Variants in MYPN observed in about 807,000 individuals in gnomAD.
The protein encoded by MYPN is myopalladin.
In MYPN, 63 loss-of-function variants were observed where a neutral mutation model predicts 129.4. That is an observed-to-expected ratio of 0.49 (90% CI 0.40 to 0.60). The LOEUF (loss-of-function observed/expected upper bound fraction) is 0.60. MYPN is among the 20% of genes least tolerant of loss of function. The pLI, the probability that MYPN is intolerant of heterozygous loss-of-function variation, is 0.00. For synonymous variants in MYPN, 629 were observed against 600.9 expected, an observed-to-expected ratio of 1.05 and a Z score of -0.68; for missense variants, 1,596 against 1,635.4, an observed-to-expected ratio of 0.98 and a Z score of 0.42.
At position 68,148,344 on chromosome 10, in the gene MYPN, A is replaced by C. The variant is rs543873045; in HGVS notation, c.1131-9A>C. On this transcript the variant is annotated splice_polypyrimidine_tract_variant and intron_variant, in intron 4 of 19. Transcript: ENST00000358913. ...CTATTTTATAATCTATATTTTAATA[A>C]TTTCTCAGAATCCAGAAGCCAAATG... 1 of 1,596,464 alleles carries C rather than the reference A, an allele frequency of 6.3e-7. No homozygotes were observed. The highest frequency in any genetic ancestry group is 1.3e-5 in the African/African-American group (1 of 74,418).
chr10:68,184,556 G>A (rs537749970), intron 12 of MYPN, among the ~76,000 whole-genome samples: 5 of 152,264 alleles, frequency 3.3e-5, no homozygotes, highest in East Asian at 1.9e-4. Context: ...AGACTCCCGA[G>A]TAGCTGGAAT....
chr10:68,160,445 A>C (rs147599415), intron 7 of MYPN, among the ~76,000 whole-genome samples: 2,314 of 150,674 alleles, frequency 0.015, 102 homozygotes, highest in African/African-American at 0.053. Context: ...AAAAAAAAAA[A>C]AAAAAAAAAA....
upstream of MYPN, chr10:68,109,301 G>C (rs3814179): frequency 7.3e-6 from 2 of 273,348 alleles, no homozygotes; most frequent in East Asian, 1.6e-4. Context: ...CATTCCAAAC[G>C]TCAATCAATA....
chr10:68,207,258 A>AAAAT (rs570505509), intron 19 of MYPN, among the ~76,000 whole-genome samples: 106 of 152,264 alleles, frequency 7.0e-4, no homozygotes, highest in African/African-American at 2.3e-3. Context: ...ACTCTGCCTC[A>AAAAT]AAATAAATAA....
intron 10 of MYPN, among the ~76,000 whole-genome samples, chr10:68,169,346 A>T (rs1209452884): frequency 7.0e-6 from 1 of 142,362 alleles, no homozygotes; most frequent in Non-Finnish European, 1.5e-5. Flanking sequence ...CAACAGAGTG[A>T]GACTCCGTCT....
chr10:68,194,236 T>C (rs1456171998), intron 13 of MYPN, 127 bp from the exon 14 acceptor site: 1 of 956,604 alleles, frequency 1.0e-6, no homozygotes, highest in Non-Finnish European at 1.6e-6. Flanking sequence ...ATAACTTTTT[T>C]TCAAGTGCTT....
At chr10:68,203,463 C>T (rs1467433090) in intron 18 of MYPN, among the ~76,000 whole-genome samples, 2 of 149,258 alleles carry the variant, frequency 1.3e-5, no homozygotes, top group Non-Finnish European at 3.0e-5. Context: ...GTGGCACACA[C>T]CTGTAGTCCC....
intron 1 of MYPN, among the ~76,000 whole-genome samples, chr10:68,099,019 G>A (rs964052906): frequency 1.3e-5 from 2 of 152,110 alleles, no homozygotes; most frequent in African/African-American, 2.4e-5. Flanking sequence ...TTAAGACTTA[G>A]TAAAATAATA....
At chr10:68,183,440 C>A (rs1365447370) in intron 12 of MYPN, among the ~76,000 whole-genome samples, 2 of 150,310 alleles carry the variant, frequency 1.3e-5, no homozygotes, top group Non-Finnish European at 3.0e-5. Flanking sequence ...CCAGCCTGGG[C>A]AGTAGAGCCA....
rs533039015 is a variant in MYPN at position 68,097,892 on chromosome 10, A to G, written c.-2+9900A>G. On this transcript the variant is annotated intron_variant, in intron 1 of 6. Transcript: ENST00000685154. The stretch of plus-strand genomic sequence containing the variant: ...GTACTATTTGTTTTCAAAAGAGGTG[A>G]TGTCCCTTTCTTAAATTTAGTTCAT... 4.6e-5 allele frequency among the ~76,000 whole-genome samples: 7 copies of G among 152,290 alleles called. No individual in the cohort carries two copies. In the South Asian group the frequency reaches 1.4e-3, roughly 32 times the overall value.
At chr10:68,163,573 G>A (rs1397735743) in intron 8 of MYPN, among the ~76,000 whole-genome samples, 1 of 152,098 alleles carries the variant, frequency 6.6e-6, no homozygotes, top group Non-Finnish European at 1.5e-5. Context: ...AGCTTGCAGT[G>A]AGCCAAGATC....
chr10:68,203,942 C>T (rs2043766191), intron 18 of MYPN, among the ~76,000 whole-genome samples: 1 of 152,170 alleles, frequency 6.6e-6, no homozygotes, highest in South Asian at 2.1e-4. Context: ...CTGCTCAGGA[C>T]ATTCCTTCTT....
chr10:68,099,777 T>G (rs1180009826), intron 1 of MYPN, among the ~76,000 whole-genome samples: 1 of 152,214 alleles, frequency 6.6e-6, no homozygotes, highest in African/African-American at 2.4e-5. Flanking sequence ...TCCAAGGACT[T>G]GGAAACACTT....
rs1331139775 is a variant in MYPN at position 68,121,304 on chromosome 10, T to C, written c.-1-134T>C. 5.1e-6 allele frequency: 4 copies of C among 791,510 alleles called. No individual in the cohort carries two copies. In the East Asian group the frequency reaches 8.3e-5, roughly 16 times the overall value. The allele number at this position is 791,510 out of a possible 1,614,324, so 49.0% of individuals were successfully genotyped here. Reference sequence around the variant, plus strand: ...AAAATAAATAAATTAATTAAAAGTTTGTAAAAGTATTAAAATTAGGCAATT... The same window carrying C: ...AAAATAAATAAATTAATTAAAAGTTCGTAAAAGTATTAAAATTAGGCAATT... On this transcript the variant is annotated intron_variant, in intron 1 of 19. Coordinates refer to ENST00000358913, the MANE Select transcript of MYPN (RefSeq NM_032578.4).
At chr10:68,136,667 T>A in intron 2 of MYPN, 1 of 1,535,156 alleles carries the variant, frequency 6.5e-7, no homozygotes, top group Non-Finnish European at 8.7e-7. Flanking sequence ...TTTGGGCATT[T>A]GAATCATTCC....
At position 68,145,516 on chromosome 10, in the gene MYPN, G is replaced by A; in HGVS notation, c.1120G>A (p.Glu374Lys). 1 of 1,613,036 alleles carries A rather than the reference G, an allele frequency of 6.2e-7. No individual in the cohort carries two copies. The highest frequency in any genetic ancestry group is 8.5e-7 in the Non-Finnish European group (1 of 1,179,298). The change falls in exon 4 of 20, where the codon GAG (glutamate) becomes AAG (lysine). Residue 374 changes from glutamate to lysine, a missense_variant. By Grantham distance (56) the Glu-to-Lys change is moderately conservative. Coordinates refer to ENST00000358913, the MANE Select transcript of MYPN (RefSeq NM_032578.4). ...CTCAGAAGGCGACCCTAACAAGGAA[G>A]AGATGAATCGGTAATTCTGATTTTC... ...SDSEGDPNKE[E>K]MNRIQKPNEV... is the part of the protein sequence containing the mutation.
intron 3 of MYPN, among the ~76,000 whole-genome samples, chr10:68,143,904 G>A (rs559372446): frequency 5.9e-5 from 9 of 152,058 alleles, no homozygotes; most frequent in Admixed American, 3.3e-4. Context: ...ACAGGCATGC[G>A]CCACCACACC....
chr10:68,170,041 CAA>C (rs1433222596), intron 10 of MYPN, among the ~76,000 whole-genome samples: 1 of 152,070 alleles, frequency 6.6e-6, no homozygotes, highest in Non-Finnish European at 1.5e-5. Flanking sequence ...CGCACCCAGA[CAA>C]AAGTCACACT....
At chr10:68,204,359 G>C (rs777166506) in intron 18 of MYPN, among the ~76,000 whole-genome samples, 6 of 152,168 alleles carry the variant, frequency 3.9e-5, no homozygotes, top group African/African-American at 9.7e-5. Context: ...GCACCCTAAT[G>C]TGTCTCTCTG....
Sources: allele counts gnomAD v4.1 joint callset (sites outside exome capture counted in the v4.1 genomes callset), GRCh38; gene constraint gnomAD v4.1.1; transcripts MANE v1.5; gene names NCBI Gene and HGNC (gene_info 2026-07-23, HGNC 2026-07-21).